The following PPP2R5E variants were observed in gnomAD, a reference collection of about 807,000 sequenced individuals.
PPP2R5E encodes protein phosphatase 2 regulatory subunit B'epsilon.
A neutral mutation model predicts 65.3 loss-of-function variants in PPP2R5E; 4 were observed. The ratio of observed to expected loss-of-function variants is 0.06; its 90% CI spans 0.03 to 0.14. The LOEUF (loss-of-function observed/expected upper bound fraction) is 0.14, where lower values mean the gene tolerates loss of function less well. Ranked by LOEUF, PPP2R5E falls within the 10% of genes least tolerant of loss-of-function variation. PPP2R5E has a pLI of 1.00. For missense variants in PPP2R5E, 274 were observed against 556.1 expected (o/e 0.49, Z 5.10); for synonymous variants, 183 against 187.4 (o/e 0.98, Z 0.19).
intron 2 of PPP2R5E, among the ~76,000 whole-genome samples, chr14:63,458,650 C>T (rs10138372): frequency 0.33 from 49,998 of 151,826 alleles, 10,956 homozygotes; most frequent in African/African-American, 0.62. Context: ...TGTGGACTGG[C>T]AAATTATTTA....
At chr14:63,454,027 G>T (rs1888992407) in intron 2 of PPP2R5E, 142 bp from the exon 3 acceptor site, 3 of 578,758 alleles carry the variant, frequency 5.2e-6, no homozygotes, top group Admixed American at 3.7e-5. Context: ...GTTACACATG[G>T]GTGGGAGGGG....
intron 5 of PPP2R5E, among the ~76,000 whole-genome samples, chr14:63,398,487 GCT>G (rs1247597236): frequency 6.6e-6 from 1 of 152,200 alleles, no homozygotes; most frequent in African/African-American, 2.4e-5. Context: ...CATGAAAAGT[GCT>G]CTATTTTATT....
intron 2 of PPP2R5E, among the ~76,000 whole-genome samples, chr14:63,462,477 T>C (rs1437249160): frequency 1.3e-5 from 2 of 152,154 alleles, no homozygotes; most frequent in Non-Finnish European, 2.9e-5. Context: ...AAAATTCCCA[T>C]GAAACTGCAC....
chr14:63,399,366 C>CTTTTTGTTTTTTTTTTTTTTTT (rs1885606310), intron 5 of PPP2R5E, among the ~76,000 whole-genome samples: 1 of 48,504 alleles, frequency 2.1e-5, no homozygotes, highest in Non-Finnish European at 3.6e-5. Context: ...GGATTTCTTT[C>CTTTTTGTTTTTTTTTTTTTTTT]TTTTTTTTTT....
At chr14:63,451,574 A>T (rs1888825185) in intron 3 of PPP2R5E, 1 of 152,336 alleles carries the variant, frequency 6.6e-6, no homozygotes. Context: ...GGTGATGAAG[A>T]AGTGGAGCAC....
At chr14:63,511,845 G>A (rs528075812) in intron 2 of PPP2R5E, among the ~76,000 whole-genome samples, 4 of 152,122 alleles carry the variant, frequency 2.6e-5, no homozygotes, top group African/African-American at 9.6e-5. Context: ...TTGGGAGGCC[G>A]AGGTGAGTGG....
At chr14:63,410,327 C>A (rs965305693) in intron 5 of PPP2R5E, among the ~76,000 whole-genome samples, 8 of 152,098 alleles carry the variant, frequency 5.3e-5, no homozygotes, top group Non-Finnish European at 1.0e-4. Flanking sequence ...AAGAGAAACA[C>A]ACTAGGAACA....
chr14:63,435,609 T>C (rs2139413854), intron 3 of PPP2R5E, among the ~76,000 whole-genome samples: 1 of 152,322 alleles, frequency 6.6e-6, no homozygotes, highest in African/African-American at 2.4e-5. Context: ...CTGCTCGCCA[T>C]CTACAAGATT....
chr14:63,539,292 T>C (rs920445264), intron 2 of PPP2R5E, among the ~76,000 whole-genome samples: 1 of 152,192 alleles, frequency 6.6e-6, no homozygotes, highest in African/African-American at 2.4e-5. Context: ...GTTTACCTAC[T>C]CATCAATGTG....
At chr14:63,416,568 G>C (rs1886697806) in intron 4 of PPP2R5E, among the ~76,000 whole-genome samples, 2 of 151,298 alleles carry the variant, frequency 1.3e-5, no homozygotes, top group African/African-American at 4.9e-5. Context: ...AAATTAACAA[G>C]GACCCCAAAG....
chr14:63,415,268 G>A, intron 4 of PPP2R5E, 36 bp from the exon 5 acceptor site: 1 of 1,452,772 alleles, frequency 6.9e-7, no homozygotes, highest in Non-Finnish European at 9.6e-7. Flanking sequence ...TTCAAATTAT[G>A]ACTCACTGAG....
chr14:63,404,732 C>T (rs1448861891), intron 5 of PPP2R5E, among the ~76,000 whole-genome samples: 1 of 152,188 alleles, frequency 6.6e-6, no homozygotes, highest in African/African-American at 2.4e-5. Context: ...CTTTTATTTT[C>T]CTCCATTTAA....
chr14:63,428,721 T>A (rs767095091), intron 3 of PPP2R5E, among the ~76,000 whole-genome samples: 1 of 152,336 alleles, frequency 6.6e-6, no homozygotes. Context: ...CATGACCTCA[T>A]AAACAAAAGA....
chr14:63,453,557 T>G, intron 3 of PPP2R5E, 132 bp downstream of exon 3: 3 of 786,084 alleles, frequency 3.8e-6, no homozygotes, highest in South Asian at 2.1e-5. Flanking sequence ...CCGACTACAT[T>G]TGCTTAGCTC....
chr14:63,392,233 A>G (rs1885065786), intron 8 of PPP2R5E, among the ~76,000 whole-genome samples: 1 of 152,218 alleles, frequency 6.6e-6, no homozygotes, highest in African/African-American at 2.4e-5. Context: ...GCTCCAGGGA[A>G]CTTTTCTTTA....
intron 2 of PPP2R5E, among the ~76,000 whole-genome samples, chr14:63,524,807 G>A (rs1893111641): frequency 2.0e-5 from 3 of 152,186 alleles, no homozygotes; most frequent in Non-Finnish European, 4.4e-5. Context: ...CCACAGTGCT[G>A]CTGCAGGCCT....
chr14:63,492,197 A>G (rs991837075), intron 2 of PPP2R5E, among the ~76,000 whole-genome samples: 2 of 152,072 alleles, frequency 1.3e-5, no homozygotes, highest in African/African-American at 2.4e-5. Context: ...CTTTATATAT[A>G]CCTAATATGC....
intron 2 of PPP2R5E, among the ~76,000 whole-genome samples, chr14:63,515,851 CTTT>C (rs1270658455): frequency 2.2e-5 from 3 of 136,464 alleles, no homozygotes; most frequent in Non-Finnish European, 3.2e-5. Context: ...TTTTATTTTA[CTTT>C]TTTTTTTTTT....
chr14:63,476,116 C>T (rs142109534), intron 2 of PPP2R5E, among the ~76,000 whole-genome samples: 1 of 152,174 alleles, frequency 6.6e-6, no homozygotes, highest in African/African-American at 2.4e-5. Flanking sequence ...AGCATTAACA[C>T]AAGCTGGAGT....
Sources: gnomAD v4.1 joint callset for allele counts (sites outside exome capture counted in the v4.1 genomes callset) on GRCh38, gnomAD v4.1.1 for gene constraint, MANE v1.5 for transcripts, NCBI Gene and HGNC (gene_info 2026-07-23, HGNC 2026-07-21) for gene names.